SLC24A2: variants seen among roughly 807,000 people sequenced by gnomAD.
The protein encoded by SLC24A2 is sodium/potassium/calcium exchanger 2.
Under a neutral mutation model 62.0 loss-of-function variants are expected in SLC24A2, and 36 were observed. The observed-to-expected ratio is 0.58, with a 90% CI of 0.44 to 0.77. SLC24A2 has a LOEUF of 0.77. Ranked by LOEUF, SLC24A2 falls within the 30% of genes least tolerant of loss-of-function variation. The pLI is 0.00. For synonymous variants in SLC24A2, 358 were observed against 294.0 expected, an observed-to-expected ratio of 1.22 and a Z score of -2.23; for missense variants, 846 against 817.9, an observed-to-expected ratio of 1.03 and a Z score of -0.42.
intron 2 of SLC24A2, among the ~76,000 whole-genome samples, chr9:19,703,035 G>C (rs1820403359): frequency 6.6e-6 from 1 of 152,188 alleles, no homozygotes; most frequent in African/African-American, 2.4e-5. Context: ...ACTGTTGTTG[G>C]GTAAAAGTTC....
the SLC24A2 span, among the ~76,000 whole-genome samples, chr9:20,125,773 T>C: frequency 1.3e-5 from 2 of 152,192 alleles, no homozygotes; most frequent in East Asian, 3.9e-4. Flanking sequence ...AATTCCCCTC[T>C]GGCTAGGGCT....
At position 19,787,030 on chromosome 9, in the gene SLC24A2, A is replaced by C; in HGVS notation, c.-153-11T>G. ...CTTTCATCATTTATGCTTAAATAAAAATAAAAACGAGAATAAGTAAATCAT... is the reference window on the plus strand; with the variant it reads ...CTTTCATCATTTATGCTTAAATAAACATAAAAACGAGAATAAGTAAATCAT... On this transcript the variant is annotated splice_polypyrimidine_tract_variant and intron_variant, in intron 1 of 10. Coordinates refer to ENST00000341998, the MANE Select transcript of SLC24A2 (RefSeq NM_020344.4). The C allele has an allele frequency of 2.2e-6, 3 of 1,373,410 alleles. No individual in the cohort carries two copies. The highest frequency in any genetic ancestry group is 2.8e-6 in the Non-Finnish European group (3 of 1,064,816). The allele number at this position is 1,373,410 out of a possible 1,614,324, so 85.1% of individuals were successfully genotyped here. A position where few individuals can be genotyped will look rare whatever the true frequency, so the allele number is the denominator to read the frequency against.
At chr9:19,905,207 G>C in the SLC24A2 span, among the ~76,000 whole-genome samples, 1 of 152,216 alleles carries the variant, frequency 6.6e-6, no homozygotes, top group South Asian at 2.1e-4. Flanking sequence ...CAATGAAAAA[G>C]AGTGGGGTCT....
the SLC24A2 span, among the ~76,000 whole-genome samples, chr9:19,866,395 C>T: frequency 1.3e-5 from 2 of 152,134 alleles, no homozygotes; most frequent in African/African-American, 4.8e-5. Flanking sequence ...GCTATATTTG[C>T]ACTCCCATGT....
the SLC24A2 span, among the ~76,000 whole-genome samples, chr9:19,980,380 A>G: frequency 3.9e-5 from 6 of 152,198 alleles, no homozygotes; most frequent in East Asian, 7.7e-4. Context: ...GAAAAGCCAC[A>G]TGGTAGGTTT....
chr9:20,295,049 TATATACACACACAC>T, the SLC24A2 span, among the ~76,000 whole-genome samples: 19 of 146,464 alleles, frequency 1.3e-4, no homozygotes, highest in East Asian at 2.0e-3. Context: ...TATATATATA[TATATACACACACAC>T]ATACACACAC....
chr9:19,743,879 G>T (rs1821753083), intron 2 of SLC24A2, among the ~76,000 whole-genome samples: 1 of 152,072 alleles, frequency 6.6e-6, no homozygotes, highest in African/African-American at 2.4e-5. Flanking sequence ...TGGGGGTGCA[G>T]GTAAGGAGGA....
intron 8 of SLC24A2, among the ~76,000 whole-genome samples, chr9:19,539,582 ATTTCTGTTC>A (rs1411576796): frequency 1.4e-4 from 12 of 88,352 alleles, no homozygotes; most frequent in African/African-American, 5.2e-4. Context: ...GTTTGTTATA[ATTTCTGTTC>A]TTTTACATTT....
chr9:20,197,882 T>C, the SLC24A2 span, among the ~76,000 whole-genome samples: 1 of 152,112 alleles, frequency 6.6e-6, no homozygotes, highest in African/African-American at 2.4e-5. Context: ...CACTCATGAA[T>C]GTAAAGGTGA....
At position 19,573,336 on chromosome 9, in the gene SLC24A2, G is replaced by C; in HGVS notation, c.1347+15C>G. The C allele has an allele frequency of 6.6e-7, 1 of 1,521,402 alleles. No homozygotes were observed. Among genetic ancestry groups the C allele is most frequent in the Non-Finnish European group, 9.1e-7 (1 of 1,095,708 alleles). The allele number at this position is 1,521,402 out of a possible 1,614,324, so 94.2% of individuals were successfully genotyped here. On this transcript the variant is annotated intron_variant, in intron 7 of 10. Coordinates refer to ENST00000341998, the MANE Select transcript of SLC24A2 (RefSeq NM_020344.4). ...AAGAACAACAGCCCAGAAGAGCAAT[G>C]GAGAAAAGCCATACCTGGGCTTCTG...
chr9:19,561,144 G>A (rs1316233496), intron 7 of SLC24A2, among the ~76,000 whole-genome samples: 2 of 151,636 alleles, frequency 1.3e-5, no homozygotes, highest in Non-Finnish European at 2.9e-5. Context: ...TGGCCAGGCT[G>A]GTCTTGAACT....
chr9:19,690,581 G>C, intron 2 of SLC24A2, among the ~76,000 whole-genome samples: 1 of 152,134 alleles, frequency 6.6e-6, no homozygotes. Flanking sequence ...GAAAAGCAAA[G>C]TTGAATGCAG....
the SLC24A2 span, among the ~76,000 whole-genome samples, chr9:19,817,918 G>A: frequency 6.6e-6 from 1 of 151,908 alleles, no homozygotes; most frequent in Non-Finnish European, 1.5e-5. Context: ...ATCTTTTATA[G>A]GGATGGAGTC....
chr9:20,219,870 G>C, the SLC24A2 span, among the ~76,000 whole-genome samples: 1 of 152,036 alleles, frequency 6.6e-6, no homozygotes. Context: ...TGTAAAATTA[G>C]TATTCATATT....
the SLC24A2 span, among the ~76,000 whole-genome samples, chr9:20,062,656 T>A: frequency 3.6e-5 from 5 of 137,108 alleles, no homozygotes; most frequent in South Asian, 2.6e-4. Context: ...CTCATTAAAC[T>A]AAAGAGCTTC....
chr9:19,869,066 T>C, the SLC24A2 span, among the ~76,000 whole-genome samples: 14 of 152,190 alleles, frequency 9.2e-5, no homozygotes, highest in East Asian at 2.7e-3. Context: ...ACTGCAGCCT[T>C]GACCACCTGG....
intron 2 of SLC24A2, among the ~76,000 whole-genome samples, chr9:19,754,547 T>C (rs575343414): frequency 3.9e-5 from 6 of 152,156 alleles, no homozygotes; most frequent in Non-Finnish European, 8.8e-5. Context: ...GCAGGGTTTA[T>C]TTAGGTTCAG....
chr9:20,247,739 C>T, the SLC24A2 span, among the ~76,000 whole-genome samples: 1 of 152,168 alleles, frequency 6.6e-6, no homozygotes, highest in African/African-American at 2.4e-5. Context: ...CAACTGTTTT[C>T]CAGAGTTGGA....
In SLC24A2 at chr9:19,659,269, T is replaced by C. The variant is rs192153633; in HGVS notation, c.931-36970A>G. On this transcript the variant is annotated intron_variant, in intron 2 of 10. Coordinates refer to ENST00000341998, the MANE Select transcript of SLC24A2 (RefSeq NM_020344.4). ...GAAGCTAAGAAGAGGTGAGGAAGGA[T>C]TGATTCCCTTACAGGTTTCAGAGGT... is the stretch of plus-strand genomic sequence containing the variant. 2.0e-3 allele frequency among the ~76,000 whole-genome samples: 305 copies of C among 152,252 alleles called. 6 individuals are homozygous for C. The highest frequency in any genetic ancestry group is 0.018 in the Admixed American group (276 of 15,292).
Sources: allele counts gnomAD v4.1 joint callset (sites outside exome capture counted in the v4.1 genomes callset), GRCh38; gene constraint gnomAD v4.1.1; transcripts MANE v1.5; gene names NCBI Gene and HGNC (gene_info 2026-07-23, HGNC 2026-07-21).